TC2N: variants seen among roughly 807,000 people sequenced by gnomAD.
The protein encoded by TC2N is tandem C2 domains nuclear protein.
TC2N carries 51 observed loss-of-function variants against 61.9 expected under a neutral mutation model. The ratio of observed to expected loss-of-function variants is 0.82; its 90% CI spans 0.66 to 1.04. The LOEUF is 1.04. Ranked by LOEUF, TC2N falls within the 50% of genes least tolerant of loss-of-function variation. The probability of loss-of-function intolerance (pLI) is 0.00; values close to 1 mark genes in which losing one functional copy is unlikely to be tolerated. For missense variants in TC2N, 556 were observed against 566.7 expected (o/e 0.98, Z 0.19); for synonymous variants, 204 against 192.6 (o/e 1.06, Z -0.49).
rs535528637 is a variant in TC2N at position 91,854,817 on chromosome 14, C to G, written c.-57+12445G>C. On this transcript the variant is annotated intron_variant, in intron 1 of 11. Coordinates refer to ENST00000435962, the MANE Select transcript of TC2N (RefSeq NM_001128596.3). ...AGGAGTAGGGGAGAGCAAAGCCTGG[C>G]TCAGCCCACCCCATTGCCTCTGCTA... Among the ~76,000 whole-genome samples the G allele has an allele frequency of 1.2e-4, 19 of 152,272 alleles. No individual in the cohort carries two copies. The East Asian group carries it at 3.7e-3, about 29-fold the overall frequency.
chr14:91,800,981 CATAT>C (rs1218011028), intron 4 of TC2N, among the ~76,000 whole-genome samples: 1 of 150,538 alleles, frequency 6.6e-6, no homozygotes, highest in African/African-American at 2.4e-5. Flanking sequence ...TACATATATA[CATAT>C]ATATACACAC....
intron 1 of TC2N, among the ~76,000 whole-genome samples, chr14:91,826,862 T>C (rs765713936): frequency 6.6e-6 from 1 of 152,236 alleles, no homozygotes; most frequent in Non-Finnish European, 1.5e-5. Flanking sequence ...CAATTTTGTC[T>C]GATAGTTATA....
chr14:91,803,428 C>CATATAT (rs3030729), intron 3 of TC2N, among the ~76,000 whole-genome samples: 11 of 147,212 alleles, frequency 7.5e-5, no homozygotes, highest in African/African-American at 2.0e-4. Flanking sequence ...CACACACACA[C>CATATAT]ATATATATAT....
intron 1 of TC2N, among the ~76,000 whole-genome samples, chr14:91,864,239 A>C (rs1321035243): frequency 1.3e-5 from 2 of 152,164 alleles, no homozygotes; most frequent in African/African-American, 4.8e-5. Context: ...TTGTTTACCA[A>C]GTTGCTCCTT....
At chr14:91,789,371 C>A (rs1001429782) in intron 9 of TC2N, among the ~76,000 whole-genome samples, 2 of 150,766 alleles carry the variant, frequency 1.3e-5, no homozygotes, top group Non-Finnish European at 3.0e-5. Context: ...CCGAGGCAGG[C>A]GGATCACGAG....
At chr14:91,823,890 A>C (rs191700350) in intron 1 of TC2N, among the ~76,000 whole-genome samples, 51 of 152,280 alleles carry the variant, frequency 3.3e-4, no homozygotes, top group African/African-American at 1.1e-3. Context: ...ATCAATTAAA[A>C]AACAACAACA....
At chr14:91,789,429 TA>T (rs112943280) in intron 9 of TC2N, among the ~76,000 whole-genome samples, 2,825 of 133,406 alleles carry the variant, frequency 0.021, 57 homozygotes, top group African/African-American at 0.063. Context: ...CTGTCTCTAC[TA>T]AAAAAAAAAA....
At chr14:91,818,947 G>T (rs149772813) in intron 1 of TC2N, among the ~76,000 whole-genome samples, 2 of 152,110 alleles carry the variant, frequency 1.3e-5, no homozygotes, top group Admixed American at 6.5e-5. Flanking sequence ...CTGGGGATAG[G>T]GGGGAGGGCA....
At chr14:91,854,991 T>A (rs1363911926) in intron 1 of TC2N, among the ~76,000 whole-genome samples, 1 of 152,180 alleles carries the variant, frequency 6.6e-6, no homozygotes, top group Non-Finnish European at 1.5e-5. Flanking sequence ...GGTTCTGACC[T>A]GAACAATGGG....
At chr14:91,833,562 T>C (rs1217677708) in intron 1 of TC2N, among the ~76,000 whole-genome samples, 1 of 152,144 alleles carries the variant, frequency 6.6e-6, no homozygotes, top group African/African-American at 2.4e-5. Context: ...AGAAAATGAA[T>C]ATATCCATCA....
intron 3 of TC2N, among the ~76,000 whole-genome samples, chr14:91,806,032 G>C (rs1886493000): frequency 6.6e-6 from 1 of 152,126 alleles, no homozygotes; most frequent in South Asian, 2.1e-4. Flanking sequence ...GACTGTACTT[G>C]TGGTAGTGAA....
chr14:91,836,745 C>T (rs768908138), intron 1 of TC2N, among the ~76,000 whole-genome samples: 1 of 152,264 alleles, frequency 6.6e-6, no homozygotes, highest in Admixed American at 6.5e-5. Flanking sequence ...CTTGGCAGCC[C>T]CTTCCTGGGA....
intron 8 of TC2N, among the ~76,000 whole-genome samples, chr14:91,797,486 GA>G (rs1885954179): frequency 1.3e-5 from 2 of 151,838 alleles, no homozygotes; most frequent in South Asian, 4.1e-4. Flanking sequence ...TGGGTTGGGG[GA>G]AAGAGAAGCC....
At chr14:91,863,286 G>A (rs1018298985) in intron 1 of TC2N, among the ~76,000 whole-genome samples, 3 of 152,228 alleles carry the variant, frequency 2.0e-5, no homozygotes, top group African/African-American at 7.2e-5. Context: ...GGCTTGCCCA[G>A]CGCAGTAAGG....
intron 7 of TC2N, 31 bp from the exon 8 acceptor site, chr14:91,797,932 T>G (rs751735100): frequency 1.5e-6 from 2 of 1,317,080 alleles, no homozygotes; most frequent in South Asian, 2.5e-5. Context: ...GTTTGAATTT[T>G]ACAAAGGATC....
At chr14:91,802,184 T>C in intron 4 of TC2N, 70 bp downstream of exon 4, 1 of 1,349,554 alleles carries the variant, frequency 7.4e-7, no homozygotes, top group Non-Finnish European at 9.9e-7. Context: ...TTTATTCCCA[T>C]ATCTTACATT....
chr14:91,840,896 T>A (rs1888151866), intron 1 of TC2N, among the ~76,000 whole-genome samples: 1 of 152,040 alleles, frequency 6.6e-6, no homozygotes, highest in African/African-American at 2.4e-5. Context: ...GGAGAACTAA[T>A]CATGAGAGTC....
intron 1 of TC2N, among the ~76,000 whole-genome samples, chr14:91,849,891 T>G (rs1888339236): frequency 6.6e-6 from 1 of 151,740 alleles, no homozygotes; most frequent in Non-Finnish European, 1.5e-5. Context: ...CTACTAAAAG[T>G]ACAAAAAATT....
At chr14:91,828,466 T>A (rs1887598996) in intron 1 of TC2N, among the ~76,000 whole-genome samples, 1 of 152,026 alleles carries the variant, frequency 6.6e-6, no homozygotes, top group Non-Finnish European at 1.5e-5. Context: ...CATTTATGTT[T>A]ATATTTATAT....
Sources: allele counts gnomAD v4.1 joint callset (sites outside exome capture counted in the v4.1 genomes callset), GRCh38; gene constraint gnomAD v4.1.1; transcripts MANE v1.5; gene names NCBI Gene and HGNC (gene_info 2026-07-23, HGNC 2026-07-21).